The following NRG2 variants were observed in gnomAD, a reference collection of about 807,000 sequenced individuals.
The protein encoded by NRG2 is pro-neuregulin-2, membrane-bound isoform.
A neutral mutation model predicts 73.9 loss-of-function variants in NRG2; 27 were observed. That is an observed-to-expected ratio of 0.37 (90% CI 0.27 to 0.50). The LOEUF (loss-of-function observed/expected upper bound fraction) is 0.50. Among genes scored for constraint, NRG2 ranks in the 20% least tolerant of loss-of-function variants. NRG2 has a pLI of 0.96. For synonymous variants in NRG2, 532 were observed against 541.0 expected, an observed-to-expected ratio of 0.98 and a Z score of 0.23; for missense variants, 1,126 against 1,210.1, an observed-to-expected ratio of 0.93 and a Z score of 1.03.
intron 1 of NRG2, among the ~76,000 whole-genome samples, chr5:139,939,007 AAAGG>A (rs972389770): frequency 4.0e-5 from 6 of 150,866 alleles, no homozygotes; most frequent in African/African-American, 1.2e-4. Flanking sequence ...GCAAGGAAGG[AAAGG>A]AAGGAAGGAA....
rs1332639827 is a variant in NRG2, at chr5:139,904,426, G to A, written c.701-16915C>T. 10 of 1,360,432 alleles carry A rather than the reference G, an allele frequency of 7.4e-6. No individual in the cohort carries two copies. The highest frequency in any genetic ancestry group is 1.0e-5 in the Non-Finnish European group (10 of 979,156). 84.3% of individuals were successfully genotyped at this position (1,360,432 alleles called of 1,614,324 possible). ...GCACGGGGTCCCAGGCGGTGGGACG[G>A]CCTCAGCTCTCCGCTGCCGCGCTGC... is the stretch of plus-strand genomic sequence containing the variant. On this transcript the variant is annotated intron_variant, in intron 1 of 9. Coordinates refer to ENST00000361474, the MANE Select transcript of NRG2 (RefSeq NM_004883.3). This position sits in a 1 kb window ranked among gnomAD's most constrained non-coding sequence, Gnocchi z 6.0.
chr5:139,992,774 G>T lies in NRG2; in HGVS notation c.700+49596C>A, dbSNP rs541669385. On this transcript the variant is annotated intron_variant, in intron 1 of 9. Transcript: ENST00000361474. ...AGGAGACAAATCAACCATCCCAAAAGCCTCACGTGTGTCCCTTCCCAGCTA... is the reference window on the plus strand; with the variant it reads ...AGGAGACAAATCAACCATCCCAAAATCCTCACGTGTGTCCCTTCCCAGCTA... Among the ~76,000 whole-genome samples, 6 of 152,266 alleles carry T rather than the reference G, an allele frequency of 3.9e-5. No homozygotes were observed. In the South Asian group the frequency reaches 1.2e-3, roughly 32 times the overall value.
At chr5:139,874,322 A>T (rs1467599549) in intron 3 of NRG2, among the ~76,000 whole-genome samples, 1 of 152,124 alleles carries the variant, frequency 6.6e-6, no homozygotes, top group Non-Finnish European at 1.5e-5. Flanking sequence ...GGCTCACAGC[A>T]CCCCAAACTC....
At chr5:140,028,868 A>C (rs957683608) in intron 1 of NRG2, among the ~76,000 whole-genome samples, 39 of 151,974 alleles carry the variant, frequency 2.6e-4, no homozygotes, top group African/African-American at 9.4e-4. Context: ...GAGACAATAG[A>C]GCTTTTATCT....
intron 1 of NRG2, among the ~76,000 whole-genome samples, chr5:139,934,420 A>G (rs924554549): frequency 1.3e-5 from 2 of 152,222 alleles, no homozygotes; most frequent in African/African-American, 2.4e-5. Context: ...AAATGGTACC[A>G]TGTTACTTGA....
At chr5:139,990,086 C>A (rs1181404024) in intron 1 of NRG2, among the ~76,000 whole-genome samples, 1 of 151,552 alleles carries the variant, frequency 6.6e-6, no homozygotes, top group African/African-American at 2.4e-5. Context: ...CTGTGCCTGG[C>A]CTTATTATTA....
At chr5:140,022,831 ATTTT>A (rs1760347872) in intron 1 of NRG2, among the ~76,000 whole-genome samples, 1 of 152,202 alleles carries the variant, frequency 6.6e-6, no homozygotes, top group African/African-American at 2.4e-5. Context: ...CAAATGCATC[ATTTT>A]CCTTCTTAAA....
Position 139,865,600 on chromosome 5 carries a change from T to C in NRG2, c.1138A>G (p.Arg380Gly). 1 of 1,609,704 alleles carries C rather than the reference T, an allele frequency of 6.2e-7. No homozygotes were observed. The highest frequency in any genetic ancestry group is 8.5e-7 in the Non-Finnish European group (1 of 1,178,964). Reference protein sequence around the residue: ...CKCPNGFFGQRCLEKLPLRLY... With the variant: ...CKCPNGFFGQGCLEKLPLRLY... The stretch of plus-strand genomic sequence containing the variant: ...CGCAAAGGCAGTTTCTCCAAACATC[T>C]CTGTCCGAAGAATCCATTTGGACAT... Residue 380 changes from arginine (R) to glycine (G), a missense_variant, in exon 5 of 10, where the codon AGA (arginine) becomes GGA (glycine). By Grantham distance (125) the Arg-to-Gly change is moderately radical. Around this residue, in one of 3 missense-constraint regions of NRG2, gnomAD observed 539 missense variants for 703.2 expected, o/e 0.77. Transcript: ENST00000361474. This position sits in a 1 kb window ranked among gnomAD's most constrained non-coding sequence, Gnocchi z 5.2.
At position 140,042,499 on chromosome 5, in the gene NRG2, T is replaced by A; in HGVS notation, c.571A>T (p.Asn191Tyr). The change falls in exon 1 of 10, where the codon AAC becomes TAC. Residue 191 changes from asparagine to tyrosine, a missense_variant. Physicochemically the swap from Asn to Tyr is moderately radical, Grantham distance 143. This residue lies in a region of NRG2 where 539 missense variants were observed against 703.2 expected (regional missense o/e 0.77). Coordinates refer to ENST00000361474, the MANE Select transcript of NRG2 (RefSeq NM_004883.3). ...SVGSCVPLERNQRYIFFLEPT... is the reference protein window; with the variant it reads ...SVGSCVPLERYQRYIFFLEPT... ...TCCAGGAAAAAGATGTAGCGCTGGT[T>A]CCTTTCGAGCGGCACACAGGAGCCC... is the stretch of plus-strand genomic sequence containing the variant. The A allele has an allele frequency of 6.2e-7, 1 of 1,613,600 alleles. No individual in the cohort carries two copies. Among genetic ancestry groups the A allele is most frequent in the Non-Finnish European group, 8.5e-7 (1 of 1,179,876 alleles).
chr5:140,014,051 A>T (rs1366267817), intron 1 of NRG2, among the ~76,000 whole-genome samples: 1 of 151,958 alleles, frequency 6.6e-6, no homozygotes, highest in Non-Finnish European at 1.5e-5. Context: ...CATAGCTTTT[A>T]ATACCACCTA....
At chr5:139,970,952 T>C (rs542726882) in intron 1 of NRG2, among the ~76,000 whole-genome samples, 2 of 152,222 alleles carry the variant, frequency 1.3e-5, no homozygotes, top group Non-Finnish European at 2.9e-5. Flanking sequence ...TTTTTCTTTT[T>C]TTTTTATTTT....
rs1484011634 is a variant in NRG2 at position 140,042,857 on chromosome 5, C to A, written c.213G>T (p.Pro71=). ...TCCGGGCTGCGGGGCTGCGGGGCTG[C>A]GGCTGTTGCTGCGGCCGCGGCTCTG... ...APPEPRPQQQ[P]QPRSPAARRA... Residue 71 remains proline, a synonymous_variant, in exon 1 of 10, where the codon CCG becomes CCT. Transcript: ENST00000361474. 1.3e-6 allele frequency: 2 copies of A among 1,503,216 alleles called. No homozygotes were observed. Among genetic ancestry groups the A allele is most frequent in the South Asian group, 1.2e-5 (1 of 80,042 alleles). 93.1% of individuals were successfully genotyped at this position (1,503,216 alleles called of 1,614,324 possible).
At chr5:139,875,483 T>C (rs1763118201) in intron 3 of NRG2, among the ~76,000 whole-genome samples, 1 of 152,220 alleles carries the variant, frequency 6.6e-6, no homozygotes, top group African/African-American at 2.4e-5. Flanking sequence ...AATATCTTAT[T>C]CTTTGGGGGA....
At chr5:139,988,075 C>T (rs1192813312) in intron 1 of NRG2, among the ~76,000 whole-genome samples, 1 of 149,288 alleles carries the variant, frequency 6.7e-6, no homozygotes, top group Admixed American at 6.6e-5. Flanking sequence ...CGCCCAGCCT[C>T]TGCAGGTTGA....
intron 2 of NRG2, among the ~76,000 whole-genome samples, chr5:139,882,148 G>A (rs760946407): frequency 3.3e-5 from 5 of 152,110 alleles, no homozygotes; most frequent in Admixed American, 6.5e-5. Context: ...GGGGGAATAC[G>A]AGGGAGGGCA....
At chr5:139,858,666 C>T (rs12515112) in intron 5 of NRG2, among the ~76,000 whole-genome samples, 14,312 of 152,224 alleles carry the variant, frequency 0.094, 705 homozygotes, top group Middle Eastern at 0.14. Flanking sequence ...ACAGTTCCAC[C>T]TGCACAGTGC....
chr5:139,867,798 ATGAGTGTG>A (rs1013536194), intron 4 of NRG2, among the ~76,000 whole-genome samples: 5 of 57,264 alleles, frequency 8.7e-5, no homozygotes, highest in African/African-American at 4.9e-4. Context: ...GTGTGTGTGT[ATGAGTGTG>A]TGTGTGTGTG....
At chr5:139,936,292 G>A (rs914734271) in intron 1 of NRG2, among the ~76,000 whole-genome samples, 2 of 152,050 alleles carry the variant, frequency 1.3e-5, no homozygotes, top group African/African-American at 4.8e-5. Flanking sequence ...GAAAAAATGA[G>A]AGAAGATATA....
intron 1 of NRG2, among the ~76,000 whole-genome samples, chr5:139,965,270 C>T (rs1755409729): frequency 6.6e-6 from 1 of 152,206 alleles, no homozygotes; most frequent in Admixed American, 6.5e-5. Flanking sequence ...TCACTATGTT[C>T]CAGGGTGGGT....
Sources: allele counts gnomAD v4.1 joint callset (sites outside exome capture counted in the v4.1 genomes callset), GRCh38; gene constraint gnomAD v4.1.1; regional missense constraint gnomAD v4.1.1; non-coding constraint Gnocchi (gnomAD v3.1); transcripts MANE v1.5; gene names NCBI Gene and HGNC (gene_info 2026-07-23, HGNC 2026-07-21).